The following SLC8A2 variants were observed in gnomAD, a reference collection of about 807,000 sequenced individuals.
The protein encoded by SLC8A2 is solute carrier family 8 member A2, also known as sodium/calcium exchanger 2.
In SLC8A2, 14 loss-of-function variants were observed where a neutral mutation model predicts 70.2. That is an observed-to-expected ratio of 0.20 (90% CI 0.13 to 0.31). The LOEUF (loss-of-function observed/expected upper bound fraction) is 0.31. SLC8A2 is among the 10% of genes least tolerant of loss of function. The pLI is 1.00. For missense variants in SLC8A2, 779 were observed against 1,320.1 expected (o/e 0.59, Z 6.35); for synonymous variants, 575 against 594.3 (o/e 0.97, Z 0.47).
At chr19:47,440,006 T>C (rs1967081397) in intron 6 of SLC8A2, among the ~76,000 whole-genome samples, 1 of 152,172 alleles carries the variant, frequency 6.6e-6, no homozygotes, top group Admixed American at 6.5e-5. Flanking sequence ...GACTTGTCGG[T>C]CAGTTTGTTA....
chr19:47,462,474 G>A (rs1188462923), intron 2 of SLC8A2, among the ~76,000 whole-genome samples: 2 of 152,056 alleles, frequency 1.3e-5, no homozygotes, highest in East Asian at 3.8e-4. Context: ...ATGTTGGTCA[G>A]GCTGGTCTTG....
In SLC8A2 at chr19:47,429,683, TGG is replaced by T. The variant is rs60926613; in HGVS notation, c.*404_*405del. The T allele has an allele frequency of 2.3e-3, 329 of 143,192 alleles. 2 individuals carry two copies. Among genetic ancestry groups the T allele is most frequent in the South Asian group, 5.4e-3 (30 of 5,554 alleles). 8.9% of individuals were successfully genotyped at this position (143,192 alleles called of 1,614,324 possible). ...TGAGGCTCTGGGACATGGGGTGAAGTGGGGGGGGGGTCACTAGGGGAAGGGAG... is the reference window on the plus strand; with the variant it reads ...TGAGGCTCTGGGACATGGGGTGAAGTGGGGGGGGTCACTAGGGGAAGGGAG... On this transcript the variant is annotated 3_prime_UTR_variant, in exon 10 of 10. Coordinates refer to ENST00000236877, the MANE Select transcript of SLC8A2 (RefSeq NM_015063.3).
At chr19:47,434,370 G>A (rs924277671) in intron 8 of SLC8A2, among the ~76,000 whole-genome samples, 1 of 152,184 alleles carries the variant, frequency 6.6e-6, no homozygotes, top group Non-Finnish European at 1.5e-5. Context: ...TCGTGGTTAT[G>A]CCTGTCACTC....
Position 47,447,658 on chromosome 19 carries a change from G to A in SLC8A2, c.1763+151C>T, listed in dbSNP as rs1208162045. On this transcript the variant is annotated intron_variant, in intron 4 of 9. Transcript: ENST00000236877. The surrounding 1 kb of genome is among the most constrained non-coding windows in gnomAD (Gnocchi z 5.1). The stretch of plus-strand genomic sequence containing the variant: ...GTCACAGGCCCCGCCCACGTTGCGG[G>A]CACGGCCACGCAGGCCCCTCCCCTC... The A allele has an allele frequency of 3.9e-6, 3 of 762,256 alleles. No individual in the cohort carries two copies. The highest frequency in any genetic ancestry group is 3.5e-5 in the Admixed American group (1 of 28,360). The allele number at this position is 762,256 out of a possible 1,614,324, so 47.2% of individuals were successfully genotyped here. A position where few individuals can be genotyped will look rare whatever the true frequency, so the allele number is the denominator to read the frequency against.
intron 2 of SLC8A2, among the ~76,000 whole-genome samples, chr19:47,458,605 C>G (rs980502306): frequency 1.5e-5 from 2 of 130,294 alleles, no homozygotes; most frequent in African/African-American, 5.8e-5. Flanking sequence ...TCTCTCTCCC[C>G]CCATTTCTCT....
At position 47,430,043 on chromosome 19, in the gene SLC8A2, T is replaced by C; in HGVS notation, c.*46A>G. 2 of 1,530,986 alleles carry C rather than the reference T, an allele frequency of 1.3e-6. No individual in the cohort carries two copies. Among genetic ancestry groups the C allele is most frequent in the Non-Finnish European group, 8.8e-7 (1 of 1,137,366 alleles). 94.8% of individuals were successfully genotyped at this position (1,530,986 alleles called of 1,614,324 possible). A position where few individuals can be genotyped will look rare whatever the true frequency, so the allele number is the denominator to read the frequency against. ...GGGTCCAAGAGCAGGTGCAGCCGAG[T>C]CCCTAGCCCCGGGCGGGCGGTGGGG... On this transcript the variant is annotated 3_prime_UTR_variant, in exon 10 of 10. Transcript: ENST00000236877. The surrounding 1 kb of genome is among the most constrained non-coding windows in gnomAD (Gnocchi z 5.9).
At chr19:47,450,659 T>C (rs889715828) in intron 3 of SLC8A2, among the ~76,000 whole-genome samples, 1 of 152,106 alleles carries the variant, frequency 6.6e-6, no homozygotes, top group African/African-American at 2.4e-5. Flanking sequence ...AGGGAGTCCC[T>C]CAGCTCAGGA....
In SLC8A2 at chr19:47,468,578, G is replaced by A. The variant is rs936834995; in HGVS notation, c.-16-2159C>T. Among the ~76,000 whole-genome samples the A allele has an allele frequency of 1.3e-5, 2 of 152,046 alleles. No homozygotes were observed. The highest frequency in any genetic ancestry group is 2.1e-4 in the South Asian group (1 of 4,814). On this transcript the variant is annotated intron_variant, in intron 1 of 9. Transcript: ENST00000236877. The surrounding 1 kb of genome is among the most constrained non-coding windows in gnomAD (Gnocchi z 5.1). ...GCTGGGATCACAGGTGCGTGCCACC[G>A]TGCCCCGCCCACTCTTCCCCTCATA...
chr19:47,458,472 TTCTG>T (rs1967345323), intron 2 of SLC8A2, among the ~76,000 whole-genome samples: 1 of 120,612 alleles, frequency 8.3e-6, no homozygotes, highest in Non-Finnish European at 1.7e-5. Flanking sequence ...CTCCATCTTG[TTCTG>T]TCTCTGTTCA....
chr19:47,435,082 G>T (rs12462839), intron 8 of SLC8A2, among the ~76,000 whole-genome samples: 1 of 151,748 alleles, frequency 6.6e-6, no homozygotes, highest in East Asian at 1.9e-4. Context: ...GGTGGTGGGT[G>T]CCTGTAATCC....
rs766882245 is a variant in SLC8A2, at chr19:47,437,418, G to C, written c.2110+44C>G. On this transcript the variant is annotated intron_variant, in intron 8 of 9. Coordinates refer to ENST00000236877, the MANE Select transcript of SLC8A2 (RefSeq NM_015063.3). Reference sequence around the variant, plus strand: ...TTTCTCCCCCTTTCCCTGTGTCTCTGTCTCTCCATCTTTCTCTCTTCTCTC... The same window carrying C: ...TTTCTCCCCCTTTCCCTGTGTCTCTCTCTCTCCATCTTTCTCTCTTCTCTC... 6.2e-6 allele frequency: 8 copies of C among 1,286,538 alleles called. No homozygotes were observed. The South Asian group carries it at 7.1e-5, about 11-fold the overall frequency. The allele number at this position is 1,286,538 out of a possible 1,614,324, so 79.7% of individuals were successfully genotyped here.
rs116127812 is a variant in SLC8A2 at position 47,440,357 on chromosome 19, A to G, written c.1885+812T>C. Among the ~76,000 whole-genome samples the G allele has an allele frequency of 7.6e-3, 1,157 of 152,070 alleles. 17 individuals carry two copies. Among genetic ancestry groups the G allele is most frequent in the African/African-American group, 0.027 (1,107 of 41,490 alleles). On this transcript the variant is annotated intron_variant, in intron 6 of 9. Transcript: ENST00000236877. Reference sequence around the variant, plus strand: ...CCAAACCCCACCTCACTCCTAATCAACCCCAAACTGGATTCTCTCTGACCT... The same window carrying G: ...CCAAACCCCACCTCACTCCTAATCAGCCCCAAACTGGATTCTCTCTGACCT...
rs1390812904 is a variant in SLC8A2, at chr19:47,447,892, G to T, written c.1680C>A (p.Arg560=). The T allele has an allele frequency of 6.3e-7, 1 of 1,591,014 alleles. No individual in the cohort carries two copies. Among genetic ancestry groups the T allele is most frequent in the Non-Finnish European group, 8.5e-7 (1 of 1,171,326 alleles). Residue 560 remains arginine (R), a synonymous_variant, in exon 4 of 10, where the codon CGC becomes CGA. Transcript: ENST00000236877. This position sits in a 1 kb window ranked among gnomAD's most constrained non-coding sequence, Gnocchi z 5.1. ...CGCCGCGCGCCGTGCCGTCCACCGTGCGGTAGGGAAGGCGCACGGTGCCGC... is the reference window on the plus strand; with the variant it reads ...CGCCGCGCGCCGTGCCGTCCACCGTTCGGTAGGGAAGGCGCACGGTGCCGC... ...GARGTVRLPY[R]TVDGTARGGG...
chr19:47,455,053 C>T (rs955003729), intron 3 of SLC8A2, among the ~76,000 whole-genome samples: 12 of 152,068 alleles, frequency 7.9e-5, no homozygotes, highest in Middle Eastern at 3.2e-3. Flanking sequence ...TACCACTGTA[C>T]TCCAGTCTGG....
chr19:47,447,867 C>T lies in SLC8A2; in HGVS notation c.1705G>A (p.Gly569Ser). 2 of 1,593,850 alleles carry T rather than the reference C, an allele frequency of 1.3e-6. No homozygotes were observed. Among genetic ancestry groups the T allele is most frequent in the South Asian group, 1.1e-5 (1 of 89,240 alleles). Reference protein sequence around the residue: ...YRTVDGTARGGGVHYEDACGE... With the variant: ...YRTVDGTARGSGVHYEDACGE... ...CACGCGTCCTCGTAGTGCACGCCGC[C>T]GCCGCGCGCCGTGCCGTCCACCGTG... Residue 569 changes from glycine to serine, a missense_variant, in exon 4 of 10, where the codon GGC becomes AGC. Transcript: ENST00000236877. The surrounding 1 kb of genome is among the most constrained non-coding windows in gnomAD (Gnocchi z 5.1).
At chr19:47,442,485 C>CT (rs1329487608) in intron 4 of SLC8A2, among the ~76,000 whole-genome samples, 1 of 152,190 alleles carries the variant, frequency 6.6e-6, no homozygotes, top group South Asian at 2.1e-4. Context: ...CAAGCCAGGC[C>CT]TGCTCATGCC....
At chr19:47,454,269 CA>C (rs1967277481) in intron 3 of SLC8A2, among the ~76,000 whole-genome samples, 1 of 152,096 alleles carries the variant, frequency 6.6e-6, no homozygotes, top group Admixed American at 6.5e-5. Context: ...TAGATGGGGA[CA>C]GTGCGGACCA....
At chr19:47,433,182 A>G (rs1480594204) in intron 8 of SLC8A2, among the ~76,000 whole-genome samples, 1 of 152,176 alleles carries the variant, frequency 6.6e-6, no homozygotes, top group African/African-American at 2.4e-5. Context: ...TTTTCCCAGA[A>G]GCCTTCACAG....
At chr19:47,458,893 A>C (rs1599857469) in intron 2 of SLC8A2, among the ~76,000 whole-genome samples, 27 of 135,134 alleles carry the variant, frequency 2.0e-4, no homozygotes, top group African/African-American at 3.4e-4. Flanking sequence ...CTCTCTCCCC[A>C]TCTCTCTCTC....
Sources: allele counts gnomAD v4.1 joint callset (sites outside exome capture counted in the v4.1 genomes callset), GRCh38; gene constraint gnomAD v4.1.1; non-coding constraint Gnocchi (gnomAD v3.1); transcripts MANE v1.5; gene names NCBI Gene and HGNC (gene_info 2026-07-23, HGNC 2026-07-21).